PSIP1: variants seen among roughly 807,000 people sequenced by gnomAD.
PSIP1 encodes PC4 and SFRS1-interacting protein.
PSIP1 carries 19 observed loss-of-function variants against 74.7 expected under a neutral mutation model. The observed-to-expected ratio is 0.25, with a 90% CI of 0.18 to 0.37. The LOEUF (loss-of-function observed/expected upper bound fraction) is 0.37, where lower values mean the gene tolerates loss of function less well. Among genes scored for constraint, PSIP1 ranks in the 10% least tolerant of loss-of-function variants. The pLI is 1.00. For missense variants in PSIP1, 601 were observed against 614.3 expected, an observed-to-expected ratio of 0.98 and a Z score of 0.23; for synonymous variants, 222 against 195.3, an observed-to-expected ratio of 1.14 and a Z score of -1.14.
chr9:15,471,686 T>C, intron 10 of PSIP1: 1 of 960,034 alleles, frequency 1.0e-6, no homozygotes, highest in Non-Finnish European at 1.2e-6. Context: ...AAACTACTTG[T>C]ATATCCTCCA....
At chr9:15,471,763 A>G (rs1405712778) in intron 10 of PSIP1, 1 of 957,100 alleles carries the variant, frequency 1.0e-6, no homozygotes, top group Non-Finnish European at 1.2e-6. Context: ...TATATTATAT[A>G]AAGAAAAAAA....
At chr9:15,504,881 C>T (rs1407988824) in intron 3 of PSIP1, 4 of 151,906 alleles carry the variant, frequency 2.6e-5, no homozygotes, top group Non-Finnish European at 2.9e-5. Context: ...TCAGAATCAT[C>T]TGGAAGGCTT....
At chr9:15,484,969 A>T (rs1188187492) in intron 6 of PSIP1, among the ~76,000 whole-genome samples, 1 of 151,522 alleles carries the variant, frequency 6.6e-6, no homozygotes, top group Non-Finnish European at 1.5e-5. Context: ...CTACAGTCCC[A>T]GCTATTAGGG....
chr9:15,486,287 C>A (rs79428214), intron 5 of PSIP1, among the ~76,000 whole-genome samples: 246 of 152,288 alleles, frequency 1.6e-3, no homozygotes, highest in African/African-American at 5.7e-3. Context: ...GTTGCTGGTA[C>A]ACCAGGAAGT....
chr9:15,491,567 C>A (rs553289509), intron 3 of PSIP1, among the ~76,000 whole-genome samples: 2 of 152,284 alleles, frequency 1.3e-5, no homozygotes, highest in African/African-American at 4.8e-5. Context: ...CATATATACA[C>A]AGATAGTTCT....
At chr9:15,500,985 T>G (rs553787006) in intron 3 of PSIP1, among the ~76,000 whole-genome samples, 1 of 152,290 alleles carries the variant, frequency 6.6e-6, no homozygotes, top group East Asian at 1.9e-4. Context: ...AATAAAAGTT[T>G]GCCAAAGCTG....
At chr9:15,478,573 A>G in intron 7 of PSIP1, 21 bp from the exon 8 acceptor site, 1 of 1,497,148 alleles carries the variant, frequency 6.7e-7, no homozygotes, top group Non-Finnish European at 9.3e-7. Context: ...CATGGAAAAA[A>G]AATCAGTAAC....
chr9:15,478,574 A>T, intron 7 of PSIP1, 22 bp from the exon 8 acceptor site: 1 of 1,457,376 alleles, frequency 6.9e-7, no homozygotes, highest in African/African-American at 1.4e-5. Flanking sequence ...ATGGAAAAAA[A>T]ATCAGTAACT....
At chr9:15,501,976 G>T (rs1480869515) in intron 3 of PSIP1, among the ~76,000 whole-genome samples, 1 of 151,862 alleles carries the variant, frequency 6.6e-6, no homozygotes, top group Non-Finnish European at 1.5e-5. Context: ...CAGGAGGGAG[G>T]CATTACCACC....
At chr9:15,490,645 T>C (rs545700320) in intron 3 of PSIP1, among the ~76,000 whole-genome samples, 29 of 133,072 alleles carry the variant, frequency 2.2e-4, no homozygotes, top group Middle Eastern at 4.5e-3. Flanking sequence ...ATCACGCCAC[T>C]GCACTCCAGC....
At chr9:15,493,435 C>T (rs2036926416) in intron 3 of PSIP1, among the ~76,000 whole-genome samples, 2 of 152,204 alleles carry the variant, frequency 1.3e-5, no homozygotes, top group South Asian at 2.1e-4. Flanking sequence ...ATTTTCCTGT[C>T]TTCTTGTGAG....
At chr9:15,507,187 CAT>C (rs1319824851) in intron 2 of PSIP1, among the ~76,000 whole-genome samples, 9 of 152,214 alleles carry the variant, frequency 5.9e-5, no homozygotes, top group South Asian at 2.1e-4. Context: ...GCCTGAATCA[CAT>C]GAGGCTACCT....
At position 15,487,240 on chromosome 9, in the gene PSIP1, G is replaced by A. The variant is rs565251766; in HGVS notation, c.289-309C>T. On this transcript the variant is annotated intron_variant, in intron 4 of 15. Coordinates refer to ENST00000380733, the MANE Select transcript of PSIP1 (RefSeq NM_033222.5). ...CAAGATTATATGGTGACAAGGCTTG[G>A]CAATTTGGAGGATAAAAAAGACCAT... Among the ~76,000 whole-genome samples the A allele has an allele frequency of 2.0e-5, 3 of 151,870 alleles. No individual in the cohort carries two copies. In the East Asian group the frequency reaches 5.9e-4, roughly 30 times the overall value.
At chr9:15,479,972 G>A (rs1240314279) in intron 6 of PSIP1, among the ~76,000 whole-genome samples, 3 of 152,140 alleles carry the variant, frequency 2.0e-5, no homozygotes, top group African/African-American at 7.2e-5. Flanking sequence ...CAAAGTATGT[G>A]ATTACACTGC....
intron 6 of PSIP1, among the ~76,000 whole-genome samples, chr9:15,482,574 C>T (rs918998598): frequency 9.9e-5 from 15 of 152,192 alleles, no homozygotes; most frequent in African/African-American, 3.4e-4. Context: ...AAACATCCAT[C>T]TCCTCCTTGT....
intron 13 of PSIP1, 54 bp from the exon 14 acceptor site, chr9:15,468,897 C>T (rs929805763): frequency 1.2e-6 from 2 of 1,603,166 alleles, no homozygotes; most frequent in African/African-American, 2.7e-5. Flanking sequence ...ATTTTTTAAA[C>T]AATTTTTAAA....
In PSIP1 at chr9:15,469,248, A is replaced by G. The variant is rs1266758920; in HGVS notation, c.1104+18T>C. On this transcript the variant is annotated intron_variant, in intron 12 of 15. Transcript: ENST00000380733. ...TATAAATGCAGTACTGAAGTATTAAATGAAGTTAAACACTTACAAGATTAT... is the reference window on the plus strand; with the variant it reads ...TATAAATGCAGTACTGAAGTATTAAGTGAAGTTAAACACTTACAAGATTAT... 5 of 1,476,760 alleles carry G rather than the reference A, an allele frequency of 3.4e-6. No individual in the cohort carries two copies. In the East Asian group the frequency reaches 6.8e-5, roughly 20 times the overall value. 91.5% of individuals were successfully genotyped at this position (1,476,760 alleles called of 1,614,324 possible).
chr9:15,489,415 C>A (rs1410457506), intron 4 of PSIP1: 1 of 151,872 alleles, frequency 6.6e-6, no homozygotes, highest in South Asian at 2.1e-4. Flanking sequence ...TGAGATCAGT[C>A]TGGCCAACAT....
At chr9:15,483,212 T>C (rs928539189) in intron 6 of PSIP1, among the ~76,000 whole-genome samples, 2 of 152,176 alleles carry the variant, frequency 1.3e-5, no homozygotes, top group African/African-American at 4.8e-5. Flanking sequence ...ACAATATATA[T>C]ATCTCTTCAC....
Sources: allele counts gnomAD v4.1 joint callset (sites outside exome capture counted in the v4.1 genomes callset), GRCh38; gene constraint gnomAD v4.1.1; transcripts MANE v1.5; gene names NCBI Gene and HGNC (gene_info 2026-07-23, HGNC 2026-07-21).